The following CXADR variants were observed in gnomAD, a reference collection of about 807,000 sequenced individuals.
CXADR encodes CXADR cell adhesion molecule, also known as coxsackievirus and adenovirus receptor.
A neutral mutation model predicts 40.3 loss-of-function variants in CXADR; 20 were observed. The ratio of observed to expected loss-of-function variants is 0.50; its 90% confidence interval spans 0.35 to 0.72. The LOEUF (loss-of-function observed/expected upper bound fraction) is 0.72, where lower values mean the gene tolerates loss of function less well. CXADR is among the 30% of genes least tolerant of loss of function. CXADR has a pLI of 0.01. For missense variants in CXADR, 332 were observed against 449.1 expected (o/e 0.74, Z 2.36); for synonymous variants, 150 against 161.3 (o/e 0.93, Z 0.53).
At chr21:17,598,510 A>T (rs2061531968), downstream of CXADR, 3 of 914,862 alleles carry the variant, frequency 3.3e-6, no homozygotes, top group Non-Finnish European at 3.3e-6. Context: ...AAGAACTATT[A>T]TCCAGAATCT....
At chr21:17,571,249 A>C (rs2061275166), downstream of CXADR, among the ~76,000 whole-genome samples, 1 of 152,188 alleles carries the variant, frequency 6.6e-6, no homozygotes, top group Non-Finnish European at 1.5e-5. Context: ...CTAGTGCTTA[A>C]AATGGTACAA....
chr21:17,570,161 AT>A (rs1601041177), downstream of CXADR: 1 of 985,312 alleles, frequency 1.0e-6, no homozygotes, highest in East Asian at 1.1e-4. Flanking sequence ...AAGCTTTAAT[AT>A]TTTATTCCTC....
chr21:17,514,205 A>G (rs542797946), intron 1 of CXADR, among the ~76,000 whole-genome samples: 1 of 152,122 alleles, frequency 6.6e-6, no homozygotes, highest in East Asian at 1.9e-4. Context: ...CTGGAAGGGT[A>G]ATTTTTTGTT....
chr21:17,618,613 CTGCAACCTT>C, the CXADR span, among the ~76,000 whole-genome samples: 9 of 152,200 alleles, frequency 5.9e-5, no homozygotes, highest in African/African-American at 1.9e-4. Flanking sequence ...TCTTGGCTCA[CTGCAACCTT>C]TGCCTCCTGG....
the CXADR span, chr21:17,613,690 C>T: frequency 6.6e-6 from 1 of 152,216 alleles, no homozygotes; most frequent in Non-Finnish European, 1.5e-5. Flanking sequence ...AAAGCTTCAT[C>T]TTTGAGCAAA....
chr21:17,624,778 G>T, the CXADR span, among the ~76,000 whole-genome samples: 1 of 152,166 alleles, frequency 6.6e-6, no homozygotes, highest in South Asian at 2.1e-4. Flanking sequence ...TCTTAGCCAC[G>T]CATGCTTCCA....
chr21:17,617,995 A>G, the CXADR span, among the ~76,000 whole-genome samples: 1 of 152,196 alleles, frequency 6.6e-6, no homozygotes, highest in Non-Finnish European at 1.5e-5. Flanking sequence ...AATATTCTAA[A>G]TTCTATGTTG....
the CXADR span, among the ~76,000 whole-genome samples, chr21:17,615,034 G>C: frequency 1.3e-5 from 2 of 152,034 alleles, no homozygotes; most frequent in African/African-American, 4.8e-5. Context: ...TGTGTCCCTC[G>C]CAATATTCGT....
At chr21:17,592,383 A>T (rs2061445240) in intron 7 of CXADR, among the ~76,000 whole-genome samples, 1 of 131,190 alleles carries the variant, frequency 7.6e-6, no homozygotes, top group African/African-American at 3.3e-5. Context: ...CAATGTAGTT[A>T]TATTTTAAAA....
At chr21:17,603,981 C>G in the CXADR span, among the ~76,000 whole-genome samples, 1 of 152,182 alleles carries the variant, frequency 6.6e-6, no homozygotes, top group Non-Finnish European at 1.5e-5. Context: ...TTTGAAAACC[C>G]TACAACTGAG....
chr21:17,594,028 T>C, downstream of CXADR: 1 of 1,535,650 alleles, frequency 6.5e-7, no homozygotes, highest in Non-Finnish European at 8.8e-7. Context: ...CTTTTAACTT[T>C]TAATGTGTAG....
At chr21:17,549,754 G>A (rs956406287) in intron 2 of CXADR, among the ~76,000 whole-genome samples, 2 of 152,290 alleles carry the variant, frequency 1.3e-5, no homozygotes, top group East Asian at 1.9e-4. Flanking sequence ...GACTACTAAG[G>A]TGTGTGTGGA....
At chr21:17,609,254 T>C in the CXADR span, 1 of 1,098,150 alleles carries the variant, frequency 9.1e-7, no homozygotes, top group South Asian at 1.7e-5. Flanking sequence ...CCTTCCTCCT[T>C]CCAATTTTAT....
rs146922935 is a variant in CXADR at position 17,546,534 on chromosome 21, C to T, written c.44-493C>T. ...CAGAGCAGAGAAGGGGGAGGTGCTG[C>T]ACACTTTTAAACAACCAGATCTCCT... On this transcript the variant is annotated intron_variant, in intron 1 of 6. Coordinates refer to ENST00000284878, the MANE Select transcript of CXADR (RefSeq NM_001338.5). 1.9e-3 allele frequency among the ~76,000 whole-genome samples: 292 copies of T among 152,256 alleles called. 2 individuals carry two copies. The highest frequency in any genetic ancestry group is 6.9e-3 in the African/African-American group (286 of 41,546).
chr21:17,629,053 A>C, the CXADR span, among the ~76,000 whole-genome samples: 3 of 152,122 alleles, frequency 2.0e-5, no homozygotes, highest in Admixed American at 1.3e-4. Flanking sequence ...TGACATATAC[A>C]ATTAACCATC....
At chr21:17,524,590 A>G (rs1276277371) in intron 1 of CXADR, among the ~76,000 whole-genome samples, 1 of 144,786 alleles carries the variant, frequency 6.9e-6, no homozygotes, top group Non-Finnish European at 1.5e-5. Context: ...AAAAAAAAAA[A>G]AAAAAAAAAA....
At chr21:17,541,920 A>G (rs1187007290) in intron 1 of CXADR, 1 of 257,650 alleles carries the variant, frequency 3.9e-6, no homozygotes, top group Non-Finnish European at 7.6e-6. Context: ...TTCCTCTGTA[A>G]TGAAAGTGTT....
At chr21:17,632,450 T>C in the CXADR span, among the ~76,000 whole-genome samples, 1 of 152,142 alleles carries the variant, frequency 6.6e-6, no homozygotes, top group Non-Finnish European at 1.5e-5. Flanking sequence ...AGAATAACAG[T>C]TGCATATTGA....
chr21:17,630,868 T>C, the CXADR span, among the ~76,000 whole-genome samples: 12 of 152,240 alleles, frequency 7.9e-5, no homozygotes, highest in Admixed American at 1.3e-4. Context: ...ACTTAGGAGA[T>C]ACTTTCCAGG....
Sources: allele counts gnomAD v4.1 joint callset (sites outside exome capture counted in the v4.1 genomes callset), GRCh38; gene constraint gnomAD v4.1.1; transcripts MANE v1.5; gene names NCBI Gene and HGNC (gene_info 2026-07-23, HGNC 2026-07-21).